SH3PXD2A: variants seen among roughly 807,000 people sequenced by gnomAD.
SH3PXD2A encodes the protein SH3 and PX domain-containing protein 2A.
A neutral mutation model predicts 115.2 loss-of-function variants in SH3PXD2A; 32 were observed. The observed-to-expected ratio is 0.28, with a 90% CI of 0.21 to 0.37. SH3PXD2A has a LOEUF of 0.37. SH3PXD2A is among the 10% of genes least tolerant of loss of function. The pLI is 1.00. For missense variants in SH3PXD2A, 1,328 were observed against 1,498.7 expected, an observed-to-expected ratio of 0.89 and a Z score of 1.88; for synonymous variants, 610 against 629.1, an observed-to-expected ratio of 0.97 and a Z score of 0.45.
intron 8 of SH3PXD2A, among the ~76,000 whole-genome samples, chr10:103,649,552 G>T (rs1411351944): frequency 6.6e-6 from 1 of 152,200 alleles, no homozygotes; most frequent in Non-Finnish European, 1.5e-5. Flanking sequence ...GCACAGAAAG[G>T]TCATTTGGCC....
At chr10:103,606,687 G>C (rs2036313657) in intron 13 of SH3PXD2A, among the ~76,000 whole-genome samples, 1 of 152,162 alleles carries the variant, frequency 6.6e-6, no homozygotes, top group African/African-American at 2.4e-5. Flanking sequence ...GGTGGAGACG[G>C]GGTTTCGCTG....
intron 1 of SH3PXD2A, among the ~76,000 whole-genome samples, chr10:103,843,895 G>A (rs562495392): frequency 6.3e-4 from 96 of 152,194 alleles, no homozygotes; most frequent in South Asian, 3.3e-3. Flanking sequence ...TGATGACCAG[G>A]GTTTGCTGTG....
In SH3PXD2A at chr10:103,602,042, C is replaced by A; in HGVS notation, c.3176G>T (p.Arg1059Leu). 1.2e-6 allele frequency: 2 copies of A among 1,610,058 alleles called. No homozygotes were observed. The highest frequency in any genetic ancestry group is 1.7e-5 in the Admixed American group (1 of 59,742). The change falls in exon 15 of 15, where the codon CGC (arginine) becomes CTC (leucine). Residue 1059 changes from arginine to leucine, a missense_variant. Transcript: ENST00000369774. ...CTGAGACTTCTCGATGGGCTTGGGG[C>A]GCACAGGGGACACGGGTATGCTGTT... ...QRNSIPVSPV[R>L]PKPIEKSQFI...
intron 1 of SH3PXD2A, among the ~76,000 whole-genome samples, chr10:103,839,117 T>A (rs750693989): frequency 5.3e-5 from 8 of 152,178 alleles, no homozygotes; most frequent in Non-Finnish European, 1.2e-4. Context: ...GGACATAATC[T>A]TCTTTCCATT....
At chr10:103,764,571 G>A (rs545657183) in intron 3 of SH3PXD2A, among the ~76,000 whole-genome samples, 6 of 152,282 alleles carry the variant, frequency 3.9e-5, no homozygotes, top group South Asian at 2.1e-4. Flanking sequence ...AGTAGGTGAC[G>A]GTGGTGTGGG....
intron 2 of SH3PXD2A, among the ~76,000 whole-genome samples, chr10:103,796,797 T>A (rs2039093956): frequency 6.6e-6 from 1 of 152,066 alleles, no homozygotes; most frequent in African/African-American, 2.4e-5. Context: ...AAATTTGAAT[T>A]TCAGATAAAC....
chr10:103,650,105 C>T (rs2037096900), intron 8 of SH3PXD2A, among the ~76,000 whole-genome samples: 1 of 152,142 alleles, frequency 6.6e-6, no homozygotes, highest in Non-Finnish European at 1.5e-5. Flanking sequence ...GGGGAGGTGC[C>T]TTTGCCTGGC....
chr10:103,645,333 AC>A (rs1456731332), intron 8 of SH3PXD2A, among the ~76,000 whole-genome samples: 2 of 152,152 alleles, frequency 1.3e-5, no homozygotes, highest in African/African-American at 4.8e-5. Context: ...CTGTGCGGTG[AC>A]TCAGCCTCTG....
intron 2 of SH3PXD2A, among the ~76,000 whole-genome samples, chr10:103,796,735 A>C (rs1241814618): frequency 6.6e-6 from 1 of 152,188 alleles, no homozygotes; most frequent in South Asian, 2.1e-4. Flanking sequence ...TCTCACACTC[A>C]GCCAGGCTGG....
intron 4 of SH3PXD2A, among the ~76,000 whole-genome samples, chr10:103,730,279 G>GT (rs34905609): frequency 1.1e-5 from 1 of 87,000 alleles, no homozygotes; most frequent in Admixed American, 1.3e-4. Flanking sequence ...GATTTTTTTT[G>GT]TTTTTTAATT....
At chr10:103,819,818 C>T (rs903397495) in intron 1 of SH3PXD2A, among the ~76,000 whole-genome samples, 4 of 151,654 alleles carry the variant, frequency 2.6e-5, no homozygotes, top group Admixed American at 6.6e-5. Context: ...CAGTGAAATG[C>T]GTGGGGTCCC....
intron 5 of SH3PXD2A, among the ~76,000 whole-genome samples, chr10:103,723,920 C>T (rs2038210628): frequency 6.6e-6 from 1 of 152,204 alleles, no homozygotes; most frequent in African/African-American, 2.4e-5. Context: ...AGAGCAAGGA[C>T]TGTGCTAGCC....
intron 8 of SH3PXD2A, among the ~76,000 whole-genome samples, chr10:103,633,551 C>T (rs2036816949): frequency 6.6e-6 from 1 of 151,172 alleles, no homozygotes; most frequent in Non-Finnish European, 1.5e-5. Flanking sequence ...CATGGTAAAA[C>T]TGTGTCTCTA....
chr10:103,718,760 GAC>G (rs55844048), intron 5 of SH3PXD2A, among the ~76,000 whole-genome samples: 3,091 of 128,346 alleles, frequency 0.024, 83 homozygotes, highest in African/African-American at 0.05. Context: ...CCCCAATCAG[GAC>G]ACACACACAC....
intron 1 of SH3PXD2A, among the ~76,000 whole-genome samples, chr10:103,810,950 G>GCACACA (rs1286107994): frequency 8.7e-3 from 42 of 4,820 alleles, no homozygotes; most frequent in African/African-American, 0.021. Flanking sequence ...AGGCGCGCGC[G>GCACACA]CGCACACACA....
chr10:103,775,004 C>G (rs1018021727), intron 2 of SH3PXD2A, among the ~76,000 whole-genome samples: 1 of 152,162 alleles, frequency 6.6e-6, no homozygotes, highest in Non-Finnish European at 1.5e-5. Flanking sequence ...ACTCTTCTAC[C>G]ATTTCCATAC....
At chr10:103,674,684 G>A (rs144629346) in intron 6 of SH3PXD2A, among the ~76,000 whole-genome samples, 1 of 152,104 alleles carries the variant, frequency 6.6e-6, no homozygotes, top group African/African-American at 2.4e-5. Context: ...GCCAGGCGTG[G>A]TGGTGTATGC....
chr10:103,841,452 C>T (rs55983834), intron 1 of SH3PXD2A, among the ~76,000 whole-genome samples: 46,216 of 151,942 alleles, frequency 0.3, 8,186 homozygotes, highest in East Asian at 0.65. Flanking sequence ...CTGTGTTTCC[C>T]CAGGAGGTCT....
intron 8 of SH3PXD2A, among the ~76,000 whole-genome samples, chr10:103,652,140 G>A (rs1554907054): frequency 6.6e-6 from 1 of 152,262 alleles, no homozygotes; most frequent in African/African-American, 2.4e-5. Context: ...GAGCCTGAGA[G>A]ATGCCCAGCT....
Sources: gnomAD v4.1 joint callset for allele counts (sites outside exome capture counted in the v4.1 genomes callset) on GRCh38, gnomAD v4.1.1 for gene constraint, MANE v1.5 for transcripts, NCBI Gene and HGNC (gene_info 2026-07-23, HGNC 2026-07-21) for gene names.